The following NCAPG2 variants were observed in gnomAD, a reference collection of about 807,000 sequenced individuals.
NCAPG2 encodes non-SMC condensin II complex subunit G2, also known as condensin-2 complex subunit G2.
A neutral mutation model predicts 141.1 loss-of-function variants in NCAPG2; 53 were observed. That is an observed-to-expected ratio of 0.38 (90% CI 0.30 to 0.47). The LOEUF (loss-of-function observed/expected upper bound fraction) is 0.47. Ranked by LOEUF, NCAPG2 falls within the 20% of genes least tolerant of loss-of-function variation. The probability of loss-of-function intolerance (pLI) is 0.99; values close to 1 mark genes in which losing one functional copy is unlikely to be tolerated. For missense variants in NCAPG2, 1,087 were observed against 1,389.0 expected (o/e 0.78, Z 3.46); for synonymous variants, 499 against 490.7 (o/e 1.02, Z -0.22).
intron 27 of NCAPG2, among the ~76,000 whole-genome samples, chr7:158,639,481 A>G (rs1587056040): frequency 6.6e-6 from 1 of 152,228 alleles, no homozygotes; most frequent in Non-Finnish European, 1.5e-5. Flanking sequence ...GTATATCTCA[A>G]TGAGTAAATT....
chr7:158,636,085 G>A (rs956829045), intron 27 of NCAPG2, among the ~76,000 whole-genome samples: 5 of 152,028 alleles, frequency 3.3e-5, no homozygotes, highest in African/African-American at 1.2e-4. Flanking sequence ...CTTCTTAAAG[G>A]GAGGAGCTCT....
chr7:158,660,209 T>A (rs544820529), intron 16 of NCAPG2, among the ~76,000 whole-genome samples: 35 of 151,952 alleles, frequency 2.3e-4, no homozygotes, highest in Non-Finnish European at 4.6e-4. Flanking sequence ...AAGGAAGCAA[T>A]TTTCCTTAGT....
intron 2 of NCAPG2, among the ~76,000 whole-genome samples, chr7:158,694,181 T>C (rs1026685441): frequency 6.6e-6 from 1 of 152,078 alleles, no homozygotes; most frequent in African/African-American, 2.4e-5. Flanking sequence ...ACCATTACAC[T>C]CCAGCCTGGG....
In NCAPG2 at chr7:158,646,484, AT is replaced by A; in HGVS notation, c.3154del (p.Ile1052Ter). The A allele has an allele frequency of 6.3e-7, 1 of 1,598,846 alleles. No homozygotes were observed. Among genetic ancestry groups the A allele is most frequent in the East Asian group, 2.3e-5 (1 of 44,148 alleles). ...CCTGACCACATTCGAAGACTTTATT[AT>A]TATTCCTATTAAACACCTTGAAAAT... ...PPFSRCLIGI[I>X]IKSSNVVRSF... On this transcript the variant is annotated frameshift_variant, in exon 25 of 28. Transcript: ENST00000356309. LOFTEE classifies it high-confidence loss of function.
intron 4 of NCAPG2, among the ~76,000 whole-genome samples, chr7:158,692,222 G>A (rs1835159599): frequency 6.6e-6 from 1 of 152,152 alleles, no homozygotes; most frequent in Admixed American, 6.5e-5. Flanking sequence ...TGAGAGGATA[G>A]CTAGAGGCCA....
intron 5 of NCAPG2, among the ~76,000 whole-genome samples, chr7:158,690,361 G>A (rs1000961831): frequency 3.3e-5 from 5 of 152,230 alleles, no homozygotes; most frequent in Middle Eastern, 3.4e-3. Flanking sequence ...GTTGAATAGC[G>A]CAGGTTTAGA....
In NCAPG2 at chr7:158,646,790, G is replaced by A. The variant is rs550173891; in HGVS notation, c.3076-227C>T. Among the ~76,000 whole-genome samples the A allele has an allele frequency of 5.3e-5, 8 of 152,358 alleles. No individual in the cohort carries two copies. The South Asian group carries it at 1.7e-3, about 32-fold the overall frequency. ...CACCTGTAATCCCAGCGCTCTGGGA[G>A]GCTGAGGCAAGAGGAATGCTTGAGG... On this transcript the variant is annotated intron_variant, in intron 24 of 27. Coordinates refer to ENST00000356309, the MANE Select transcript of NCAPG2 (RefSeq NM_017760.7).
intron 27 of NCAPG2, among the ~76,000 whole-genome samples, chr7:158,634,308 G>T (rs1329163507): frequency 6.6e-6 from 1 of 151,880 alleles, no homozygotes; most frequent in Non-Finnish European, 1.5e-5. Context: ...AAATGCTATG[G>T]TAATAATTGT....
intron 4 of NCAPG2, 81 bp downstream of exon 4, chr7:158,692,761 A>C: frequency 1.1e-6 from 1 of 942,854 alleles, no homozygotes; most frequent in South Asian, 1.4e-5. Context: ...AAATAAATGA[A>C]TGAATAAATA....
rs1025365313 is a variant in NCAPG2, at chr7:158,663,406, T to C, written c.1815+778A>G. The stretch of plus-strand genomic sequence containing the variant: ...TCCTGTATGTTTTTGGTAAGTGCCT[T>C]CTGAACAATTTCAACCCAGCATAAC... On this transcript the variant is annotated intron_variant, in intron 15 of 27. Transcript: ENST00000356309. 3.9e-5 allele frequency among the ~76,000 whole-genome samples: 6 copies of C among 152,238 alleles called. No homozygotes were observed. The South Asian group carries it at 8.3e-4, about 21-fold the overall frequency.
intron 13 of NCAPG2, chr7:158,668,142 T>TA (rs1563542116): frequency 6.5e-6 from 1 of 153,844 alleles, no homozygotes; most frequent in African/African-American, 5.0e-5. Context: ...TTACCTACCC[T>TA]CTGGCCCTCC....
At position 158,671,565 on chromosome 7, in the gene NCAPG2, C is replaced by G; in HGVS notation, c.1428G>C (p.Arg476Ser). 6.2e-7 allele frequency: 1 copy of G among 1,614,190 alleles called. No individual in the cohort carries two copies. Among genetic ancestry groups the G allele is most frequent in the East Asian group, 2.2e-5 (1 of 44,876 alleles). ...TCAACAGCATGTCCACAAAAGCTACCCTCACTTTCTCCGAATTGTCGTGGA... is the reference window on the plus strand; with the variant it reads ...TCAACAGCATGTCCACAAAAGCTACGCTCACTTTCTCCGAATTGTCGTGGA... ...YSLHDNSEKV[R>S]VAFVDMLLKI... The change falls in exon 13 of 28, where the codon AGG becomes AGC. Residue 476 changes from arginine to serine, a missense_variant. Coordinates refer to ENST00000356309, the MANE Select transcript of NCAPG2 (RefSeq NM_017760.7).
chr7:158,682,345 TG>T (rs1587258908), intron 9 of NCAPG2, among the ~76,000 whole-genome samples: 2 of 146,674 alleles, frequency 1.4e-5, no homozygotes, highest in South Asian at 2.2e-4. Flanking sequence ...GGGATGGGGG[TG>T]GGGGGTGGGT....
chr7:158,662,437 G>A (rs1832587432), intron 15 of NCAPG2, 70 bp from the exon 16 acceptor site: 1 of 1,372,292 alleles, frequency 7.3e-7, no homozygotes, highest in Non-Finnish European at 9.7e-7. Context: ...CAGCATCTCA[G>A]AATTAGAGCT....
At chr7:158,657,046 C>T (rs1428928972) in intron 17 of NCAPG2, among the ~76,000 whole-genome samples, 1 of 152,132 alleles carries the variant, frequency 6.6e-6, no homozygotes, top group Non-Finnish European at 1.5e-5. Context: ...TCAAAATATT[C>T]CTTTTTCTTC....
chr7:158,646,002 CCT>C (rs1830987277), intron 25 of NCAPG2, among the ~76,000 whole-genome samples: 1 of 152,166 alleles, frequency 6.6e-6, no homozygotes, highest in Non-Finnish European at 1.5e-5. Context: ...AAAGCAATTC[CCT>C]CTGTAACCTG....
chr7:158,693,540 T>C (rs907161626), intron 2 of NCAPG2, 43 bp from the exon 3 acceptor site: 1 of 1,508,220 alleles, frequency 6.6e-7, no homozygotes, highest in African/African-American at 1.4e-5. Context: ...ATACAAAAAA[T>C]TAATCATATC....
chr7:158,682,333 C>T (rs1398032467), intron 9 of NCAPG2, among the ~76,000 whole-genome samples: 2 of 149,516 alleles, frequency 1.3e-5, no homozygotes, highest in Admixed American at 1.3e-4. Flanking sequence ...TAAAGCCACA[C>T]TGGGATGGGG....
chr7:158,649,560 T>A (rs920947327), intron 24 of NCAPG2, among the ~76,000 whole-genome samples: 4 of 152,230 alleles, frequency 2.6e-5, no homozygotes, highest in African/African-American at 9.6e-5. Flanking sequence ...CTCACCGGAA[T>A]AAACAAATCC....
Sources: gnomAD v4.1 joint callset for allele counts (sites outside exome capture counted in the v4.1 genomes callset) on GRCh38, gnomAD v4.1.1 for gene constraint, MANE v1.5 for transcripts, NCBI Gene and HGNC (gene_info 2026-07-23, HGNC 2026-07-21) for gene names.